The following FRK variants were observed in gnomAD, a reference collection of about 807,000 sequenced individuals.
The protein encoded by FRK is fyn related Src family tyrosine kinase.
Under a neutral mutation model 56.4 loss-of-function variants are expected in FRK, and 51 were observed. The ratio of observed to expected loss-of-function variants is 0.90; its 90% CI spans 0.72 to 1.14. The LOEUF is 1.14. Among genes scored for constraint, FRK ranks in the 50% most tolerant of loss-of-function variants. The pLI is 0.00. For missense variants in FRK, 570 were observed against 601.4 expected, an observed-to-expected ratio of 0.95 and a Z score of 0.55; for synonymous variants, 245 against 217.9, an observed-to-expected ratio of 1.12 and a Z score of -1.10.
chr6:116,093,392 T>A, the FRK span, among the ~76,000 whole-genome samples: 3 of 152,200 alleles, frequency 2.0e-5, no homozygotes, highest in Non-Finnish European at 4.4e-5. Context: ...TTTCAGATGA[T>A]CCTGATAGGT....
chr6:116,041,431 T>C (rs907659831), intron 1 of FRK, among the ~76,000 whole-genome samples: 1 of 152,158 alleles, frequency 6.6e-6, no homozygotes, highest in Non-Finnish European at 1.5e-5. Flanking sequence ...AAAAGATTCC[T>C]TGAAGCATCT....
intron 1 of FRK, among the ~76,000 whole-genome samples, chr6:116,034,071 AC>A (rs1385745772): frequency 6.6e-6 from 1 of 152,082 alleles, no homozygotes; most frequent in Non-Finnish European, 1.5e-5. Context: ...AGCTGGGGTA[AC>A]CTTTGCGGGG....
At chr6:115,988,976 T>C (rs1348738533) in intron 2 of FRK, among the ~76,000 whole-genome samples, 1 of 151,918 alleles carries the variant, frequency 6.6e-6, no homozygotes, top group Non-Finnish European at 1.5e-5. Context: ...TTTAATTTCC[T>C]GTTCAATCCA....
chr6:116,066,449 G>A, the FRK span, among the ~76,000 whole-genome samples: 6 of 147,530 alleles, frequency 4.1e-5, no homozygotes, highest in East Asian at 1.9e-4. Context: ...GTGTGTGTGT[G>A]TATGTGTGTG....
At chr6:116,082,515 G>T in the FRK span, among the ~76,000 whole-genome samples, 1 of 152,142 alleles carries the variant, frequency 6.6e-6, no homozygotes, top group African/African-American at 2.4e-5. Context: ...TCCAAGCAGT[G>T]AAGTTAGAAA....
At chr6:115,993,821 G>A (rs1774714633) in intron 2 of FRK, among the ~76,000 whole-genome samples, 1 of 151,868 alleles carries the variant, frequency 6.6e-6, no homozygotes, top group Non-Finnish European at 1.5e-5. Context: ...TCTCCCCAAA[G>A]AGCATCTCAA....
At chr6:115,977,600 T>G (rs1048513659) in intron 2 of FRK, among the ~76,000 whole-genome samples, 4 of 152,180 alleles carry the variant, frequency 2.6e-5, no homozygotes, top group African/African-American at 9.6e-5. Flanking sequence ...AGGTGCCAGG[T>G]CCTAGGGTCT....
At chr6:116,067,274 A>G in the FRK span, among the ~76,000 whole-genome samples, 3 of 152,224 alleles carry the variant, frequency 2.0e-5, no homozygotes, top group Admixed American at 1.3e-4. Context: ...AGCCTTCAGA[A>G]CTATGGAAGA....
intron 1 of FRK, among the ~76,000 whole-genome samples, chr6:116,051,359 G>A: frequency 6.6e-6 from 1 of 152,144 alleles, no homozygotes; most frequent in Non-Finnish European, 1.5e-5. Flanking sequence ...AAACATTAAA[G>A]AATCTGACAT....
intron 1 of FRK, among the ~76,000 whole-genome samples, chr6:116,059,549 G>A (rs911951139): frequency 6.6e-6 from 1 of 152,088 alleles, no homozygotes; most frequent in African/African-American, 2.4e-5. Flanking sequence ...ACCCTGGAAT[G>A]TTTCAAAAGT....
At chr6:116,059,879 C>T (rs1353758751) in intron 1 of FRK, 89 bp downstream of exon 1, 1 of 1,123,070 alleles carries the variant, frequency 8.9e-7, no homozygotes, top group Non-Finnish European at 1.3e-6. Context: ...ACTCTTTGGA[C>T]ATTAGGGGGT....
chr6:115,942,966 C>T, intron 7 of FRK, 54 bp downstream of exon 7: 1 of 1,556,634 alleles, frequency 6.4e-7, no homozygotes, highest in Non-Finnish European at 8.7e-7. Context: ...GTTAAAATCA[C>T]ACCTAAGTAA....
chr6:116,067,819 T>C, the FRK span, among the ~76,000 whole-genome samples: 1 of 152,200 alleles, frequency 6.6e-6, no homozygotes, highest in Non-Finnish European at 1.5e-5. Flanking sequence ...CTACTACTGC[T>C]GAGAGGCTGA....
At chr6:116,028,233 AT>A (rs1776168890) in intron 1 of FRK, among the ~76,000 whole-genome samples, 1 of 152,146 alleles carries the variant, frequency 6.6e-6, no homozygotes, top group African/African-American at 2.4e-5. Context: ...GGAAATCACA[AT>A]TTATTTTTAA....
chr6:115,949,329 G>C (rs1343684350), intron 5 of FRK, among the ~76,000 whole-genome samples: 1 of 152,172 alleles, frequency 6.6e-6, no homozygotes, highest in Non-Finnish European at 1.5e-5. Flanking sequence ...TGTGGAATAG[G>C]AGTGGTGAGA....
intron 1 of FRK, among the ~76,000 whole-genome samples, chr6:116,024,057 T>TAC (rs55922355): frequency 0.1 from 14,144 of 136,526 alleles, 695 homozygotes; most frequent in African/African-American, 0.14. Context: ...CCTGAGAACT[T>TAC]ACACACACAC....
At chr6:116,058,446 C>G (rs1490572838) in intron 1 of FRK, among the ~76,000 whole-genome samples, 3 of 152,098 alleles carry the variant, frequency 2.0e-5, no homozygotes, top group Non-Finnish European at 4.4e-5. Flanking sequence ...GTCAAACCTC[C>G]CTTCATATGT....
chr6:116,096,798 G>A, the FRK span, among the ~76,000 whole-genome samples: 1 of 152,336 alleles, frequency 6.6e-6, no homozygotes, highest in South Asian at 2.1e-4. Context: ...TGCTGTGGAA[G>A]CTTTGTTCTT....
In FRK at chr6:116,003,938, G is replaced by A. The variant is rs1389248540; in HGVS notation, c.405C>T (p.Asn135=). ...CTCTGATTAGAAAGGAACCGGTCTT[G>A]TTTTCTGAATATAATAGTTGTTTCT... ...DAEKQLLYSE[N]KTGSFLIRES... The change falls in exon 2 of 8, where the codon AAC becomes AAT. Residue 135 remains asparagine, a synonymous_variant. Coordinates refer to ENST00000606080, the MANE Select transcript of FRK (RefSeq NM_002031.3). 3 of 1,612,978 alleles carry A rather than the reference G, an allele frequency of 1.9e-6. No individual in the cohort carries two copies. Among genetic ancestry groups the A allele is most frequent in the Admixed American group, 1.7e-5 (1 of 59,982 alleles).
Sources: gnomAD v4.1 joint callset for allele counts (sites outside exome capture counted in the v4.1 genomes callset) on GRCh38, gnomAD v4.1.1 for gene constraint, MANE v1.5 for transcripts, NCBI Gene and HGNC (gene_info 2026-07-23, HGNC 2026-07-21) for gene names.